Variants in SCLT1 observed in about 807,000 individuals in gnomAD.
SCLT1 encodes the protein sodium channel-associated protein 1.
SCLT1 carries 78 observed loss-of-function variants against 112.8 expected under a neutral mutation model. That is an observed-to-expected ratio of 0.69 (90% CI 0.58 to 0.83). The LOEUF (loss-of-function observed/expected upper bound fraction) is 0.83. Ranked by LOEUF, SCLT1 falls within the 40% of genes least tolerant of loss-of-function variation. The probability of loss-of-function intolerance (pLI) is 0.00; values close to 1 mark genes in which losing one functional copy is unlikely to be tolerated. For missense variants in SCLT1, 747 were observed against 770.4 expected (o/e 0.97, Z 0.36); for synonymous variants, 257 against 254.7 (o/e 1.01, Z -0.09).
intron 8 of SCLT1, among the ~76,000 whole-genome samples, chr4:128,993,886 A>G (rs1742787651): frequency 6.6e-6 from 1 of 152,058 alleles, no homozygotes; most frequent in Non-Finnish European, 1.5e-5. Flanking sequence ...AAGCAAACCT[A>G]TGGGAAATGT....
At chr4:129,091,674 T>G (rs1373083979) in intron 1 of SCLT1, among the ~76,000 whole-genome samples, 1 of 152,186 alleles carries the variant, frequency 6.6e-6, no homozygotes, top group Non-Finnish European at 1.5e-5. Context: ...AGATAACATA[T>G]ACCATGCACT....
chr4:128,909,476 T>A (rs1374565795), intron 18 of SCLT1, among the ~76,000 whole-genome samples: 2 of 152,192 alleles, frequency 1.3e-5, no homozygotes, highest in Non-Finnish European at 2.9e-5. Context: ...ATCAAACTCC[T>A]GGCTTCAAGT....
chr4:128,890,936 TG>T, intron 19 of SCLT1, 122 bp downstream of exon 19: 1 of 641,980 alleles, frequency 1.6e-6, no homozygotes. Context: ...TTTAGGGTTA[TG>T]GATGATTTCT....
At chr4:128,921,716 C>T (rs1334676606) in intron 18 of SCLT1, among the ~76,000 whole-genome samples, 5 of 152,234 alleles carry the variant, frequency 3.3e-5, no homozygotes, top group African/African-American at 9.6e-5. Context: ...CTAGGGAATA[C>T]CATCTGGACA....
chr4:128,976,126 AG>A (rs1741154858), intron 9 of SCLT1, among the ~76,000 whole-genome samples: 1 of 152,226 alleles, frequency 6.6e-6, no homozygotes, highest in Non-Finnish European at 1.5e-5. Context: ...TACTAGTAGT[AG>A]TGTCCATACT....
chr4:128,963,958 CT>C lies in SCLT1; in HGVS notation c.869+1268del, dbSNP rs1739957280. ...CATCAAAGCACTTGGAAAATGTCAT[CT>C]TTTCAAGATGACTTTTAGCATCTGG... On this transcript the variant is annotated intron_variant, in intron 11 of 20. Coordinates refer to ENST00000281142, the MANE Select transcript of SCLT1 (RefSeq NM_144643.4). 3.3e-5 allele frequency among the ~76,000 whole-genome samples: 5 copies of C among 152,192 alleles called. No individual in the cohort carries two copies. In the South Asian group the frequency reaches 1.0e-3, roughly 32 times the overall value.
chr4:128,963,483 G>A (rs1053440741), intron 11 of SCLT1, among the ~76,000 whole-genome samples: 5 of 152,140 alleles, frequency 3.3e-5, no homozygotes. Flanking sequence ...TGCTTCACCT[G>A]TGAATACGAA....
intron 2 of SCLT1, among the ~76,000 whole-genome samples, chr4:129,051,586 A>C (rs143409046): frequency 0.038 from 5,811 of 152,248 alleles, 184 homozygotes; most frequent in Middle Eastern, 0.11. Context: ...GTATCCTGAG[A>C]CTTTGCTGAA....
chr4:129,000,562 T>C (rs1306641487), intron 6 of SCLT1, among the ~76,000 whole-genome samples: 1 of 152,010 alleles, frequency 6.6e-6, no homozygotes, highest in Non-Finnish European at 1.5e-5. Context: ...CTCTCACAAA[T>C]GTACAGTGAA....
At chr4:129,052,563 T>C (rs1221729955) in intron 2 of SCLT1, among the ~76,000 whole-genome samples, 2 of 152,136 alleles carry the variant, frequency 1.3e-5, no homozygotes, top group African/African-American at 4.8e-5. Context: ...TTCTGTGGGA[T>C]TGGTGGTGAT....
intron 11 of SCLT1, among the ~76,000 whole-genome samples, chr4:128,964,490 G>T (rs1312527519): frequency 6.6e-6 from 1 of 152,160 alleles, no homozygotes; most frequent in Non-Finnish European, 1.5e-5. Flanking sequence ...AGGACCAAAA[G>T]AATTGATGAT....
downstream of SCLT1, among the ~76,000 whole-genome samples, chr4:128,881,341 T>G (rs948169646): frequency 1.3e-5 from 2 of 152,180 alleles, no homozygotes; most frequent in African/African-American, 4.8e-5. Flanking sequence ...GCATTTATAG[T>G]AAAATGTTTA....
At chr4:128,971,350 T>A (rs1176963576) in intron 9 of SCLT1, 1 of 152,186 alleles carries the variant, frequency 6.6e-6, no homozygotes, top group African/African-American at 2.4e-5. Context: ...TTAGTTCATT[T>A]CCTTTTGACT....
At chr4:128,980,057 T>C (rs1698389700) in intron 9 of SCLT1, among the ~76,000 whole-genome samples, 2 of 152,208 alleles carry the variant, frequency 1.3e-5, no homozygotes, top group African/African-American at 4.8e-5. Flanking sequence ...CCCTATTTCT[T>C]ATCTTAAAAC....
chr4:129,031,759 T>C (rs766751692), intron 5 of SCLT1, among the ~76,000 whole-genome samples: 14 of 152,090 alleles, frequency 9.2e-5, no homozygotes, highest in Non-Finnish European at 1.9e-4. Flanking sequence ...ACAAGGGATA[T>C]GAAGGACCTC....
chr4:128,900,689 A>C (rs1291452068), intron 18 of SCLT1, among the ~76,000 whole-genome samples: 4 of 152,226 alleles, frequency 2.6e-5, no homozygotes, highest in Non-Finnish European at 5.9e-5. Flanking sequence ...GATCTAATTA[A>C]ACTAAAGAGC....
intron 14 of SCLT1, chr4:128,952,437 C>T (rs769050464): frequency 8.4e-6 from 4 of 477,912 alleles, no homozygotes. Context: ...TTTCTTCCTT[C>T]CCACTGTTAT....
Position 129,082,370 on chromosome 4 carries a change from C to A in SCLT1, c.38G>T (p.Arg13Leu). 1 of 1,584,750 alleles carries A rather than the reference C, an allele frequency of 6.3e-7. No individual in the cohort carries two copies. Among genetic ancestry groups the A allele is most frequent in the East Asian group, 2.3e-5 (1 of 44,280 alleles). Residue 13 changes from arginine to leucine, a missense_variant, in exon 2 of 21, where the codon CGA becomes CTA. Coordinates refer to ENST00000281142, the MANE Select transcript of SCLT1 (RefSeq NM_144643.4). The part of the protein sequence containing the change: ...AEIDFLREQN[R>L]RLNEDFRRYQ... ...CCGCCTAAAATCTTCATTTAGTCTT[C>A]GATCTGAAACAAGCGGGAAAACAGA...
rs147954736 is a variant in SCLT1 at position 128,885,837 on chromosome 4, G to T, written c.2005-1298C>A. Among the ~76,000 whole-genome samples the T allele has an allele frequency of 3.8e-4, 58 of 152,270 alleles. 1 individual carries two copies. Among genetic ancestry groups the T allele is most frequent in the African/African-American group, 1.3e-3 (54 of 41,552 alleles). ...TGATCTGATAGGTAAAAAATGATGTGATTACAGTTTAAATTTGTATTTGTC... is the reference window on the plus strand; with the variant it reads ...TGATCTGATAGGTAAAAAATGATGTTATTACAGTTTAAATTTGTATTTGTC... On this transcript the variant is annotated intron_variant, in intron 20 of 20. Transcript: ENST00000281142.
Sources: gnomAD v4.1 joint callset for allele counts (sites outside exome capture counted in the v4.1 genomes callset) on GRCh38, gnomAD v4.1.1 for gene constraint, MANE v1.5 for transcripts, NCBI Gene and HGNC (gene_info 2026-07-23, HGNC 2026-07-21) for gene names.